The following ADAM22 variants were observed in gnomAD, a reference collection of about 807,000 sequenced individuals.
ADAM22 encodes the protein ADAM metallopeptidase domain 22.
In ADAM22, 65 loss-of-function variants were observed where a neutral mutation model predicts 144.6. The ratio of observed to expected loss-of-function variants is 0.45; its 90% confidence interval spans 0.37 to 0.55. ADAM22 has a LOEUF of 0.55. Ranked by LOEUF, ADAM22 falls within the 20% of genes least tolerant of loss-of-function variation. The probability of loss-of-function intolerance (pLI) is 0.00; values close to 1 mark genes in which losing one functional copy is unlikely to be tolerated. For synonymous variants in ADAM22, 391 were observed against 412.6 expected (o/e 0.95, Z 0.63); for missense variants, 974 against 1,184.9 (o/e 0.82, Z 2.61).
chr7:88,035,981 G>A (rs1256746055), intron 3 of ADAM22, among the ~76,000 whole-genome samples: 3 of 152,120 alleles, frequency 2.0e-5, no homozygotes, highest in African/African-American at 7.2e-5. Flanking sequence ...CATGTTCTTG[G>A]TCTTTGTGTA....
At chr7:88,075,016 G>C (rs961230858) in intron 3 of ADAM22, among the ~76,000 whole-genome samples, 2 of 152,004 alleles carry the variant, frequency 1.3e-5, no homozygotes, top group Admixed American at 6.6e-5. Flanking sequence ...GTTGTGTCTT[G>C]AGACCCCTCC....
chr7:88,179,125 A>G lies in ADAM22; in HGVS notation c.2491A>G (p.Ser831Gly). The change falls in exon 27 of 32, where the codon AGC becomes GGC. Residue 831 changes from serine (S) to glycine (G), a missense_variant. Ser to Gly is a moderately conservative substitution (Grantham distance 56). Coordinates refer to ENST00000413139, the MANE Select transcript of ADAM22 (RefSeq NM_001324418.2). ...SISQNISLFC[S>G]RSNGLSHSWS... is the part of the protein sequence containing the mutation. ...TAGTCAGAACATTTCATTATTTTGCAGCAGGTTTGATTACTTCTTCCTTCT... is the reference window on the plus strand; with the variant it reads ...TAGTCAGAACATTTCATTATTTTGCGGCAGGTTTGATTACTTCTTCCTTCT... The G allele has an allele frequency of 8.6e-7, 1 of 1,160,004 alleles. No individual in the cohort carries two copies. Among genetic ancestry groups the G allele is most frequent in the African/African-American group, 1.5e-5 (1 of 65,962 alleles). 71.9% of individuals were successfully genotyped at this position (1,160,004 alleles called of 1,614,324 possible).
chr7:88,093,459 T>C (rs1347020475), intron 4 of ADAM22, among the ~76,000 whole-genome samples: 1 of 152,184 alleles, frequency 6.6e-6, no homozygotes, highest in Non-Finnish European at 1.5e-5. Context: ...TTTGAGTGTT[T>C]ACAGCCTTTT....
chr7:88,038,272 A>G (rs753660604), intron 3 of ADAM22, among the ~76,000 whole-genome samples: 28 of 152,330 alleles, frequency 1.8e-4, no homozygotes, highest in Middle Eastern at 3.4e-3. Flanking sequence ...AAAATTAGCA[A>G]TGAGCTAAAT....
At chr7:88,043,446 C>G (rs112480220) in intron 3 of ADAM22, among the ~76,000 whole-genome samples, 2 of 149,372 alleles carry the variant, frequency 1.3e-5, no homozygotes, top group African/African-American at 2.5e-5. Context: ...GATCGCGCCA[C>G]TGCACTCCAG....
intron 25 of ADAM22, among the ~76,000 whole-genome samples, chr7:88,170,933 C>A (rs1017975475): frequency 2.0e-5 from 3 of 151,834 alleles, no homozygotes; most frequent in Admixed American, 6.6e-5. Flanking sequence ...GTTAAATAAA[C>A]ACAGAGACTA....
intron 31 of ADAM22, among the ~76,000 whole-genome samples, chr7:88,194,698 A>G (rs189033259): frequency 1.3e-5 from 2 of 152,174 alleles, no homozygotes; most frequent in Non-Finnish European, 2.9e-5. Context: ...TTTAATCTTT[A>G]TAAAACAATA....
At chr7:88,049,548 A>G (rs1434381928) in intron 3 of ADAM22, among the ~76,000 whole-genome samples, 6 of 152,000 alleles carry the variant, frequency 3.9e-5, no homozygotes, top group Non-Finnish European at 7.4e-5. Context: ...ACAGGCATGC[A>G]CCACCACGCC....
At chr7:88,029,622 G>A (rs1446225857) in intron 3 of ADAM22, among the ~76,000 whole-genome samples, 1 of 152,000 alleles carries the variant, frequency 6.6e-6, no homozygotes, top group African/African-American at 2.4e-5. Flanking sequence ...CTTTCAGATT[G>A]AATAACTTTG....
intron 4 of ADAM22, among the ~76,000 whole-genome samples, chr7:88,090,197 A>T (rs542785452): frequency 4.7e-4 from 71 of 152,124 alleles, no homozygotes; most frequent in African/African-American, 1.5e-3. Context: ...TTGCTGGGAG[A>T]TTTAGGTTAA....
At chr7:88,135,341 T>A (rs1049139433) in intron 13 of ADAM22, among the ~76,000 whole-genome samples, 2 of 148,560 alleles carry the variant, frequency 1.3e-5, no homozygotes, top group Non-Finnish European at 3.0e-5. Context: ...ATATGCCAGA[T>A]GATTGAGTGC....
At chr7:87,945,602 C>T (rs1241495533) in intron 2 of ADAM22, among the ~76,000 whole-genome samples, 1 of 151,414 alleles carries the variant, frequency 6.6e-6, no homozygotes, top group Non-Finnish European at 1.5e-5. Flanking sequence ...AACCTCCACC[C>T]TCCGAGTTCA....
At chr7:88,190,177 C>T (rs1301366892) in intron 30 of ADAM22, among the ~76,000 whole-genome samples, 1 of 152,174 alleles carries the variant, frequency 6.6e-6, no homozygotes, top group African/African-American at 2.4e-5. Flanking sequence ...TCCATTGGCA[C>T]ACAAACATAC....
At chr7:87,989,228 T>G (rs1789177640) in intron 3 of ADAM22, among the ~76,000 whole-genome samples, 2 of 152,184 alleles carry the variant, frequency 1.3e-5, no homozygotes, top group Admixed American at 6.5e-5. Context: ...ATTTCTTAGA[T>G]ATAAACAAGC....
chr7:88,096,508 A>T (rs1286598747), intron 4 of ADAM22, among the ~76,000 whole-genome samples: 2 of 151,420 alleles, frequency 1.3e-5, no homozygotes, highest in Non-Finnish European at 2.9e-5. Context: ...ACACATATAT[A>T]TATATTCCAT....
chr7:87,973,865 A>T (rs981790226), intron 2 of ADAM22, among the ~76,000 whole-genome samples: 14 of 151,748 alleles, frequency 9.2e-5, no homozygotes, highest in Admixed American at 9.2e-4. Flanking sequence ...GCATATTCTC[A>T]CTCATAGGTG....
intron 3 of ADAM22, among the ~76,000 whole-genome samples, chr7:88,052,294 G>A (rs1468959961): frequency 6.7e-6 from 1 of 149,254 alleles, no homozygotes; most frequent in Admixed American, 6.7e-5. Flanking sequence ...TCAGGAGATC[G>A]AGACCATCCT....
chr7:88,123,877 G>C (rs535464396), intron 7 of ADAM22, among the ~76,000 whole-genome samples: 1 of 151,816 alleles, frequency 6.6e-6, no homozygotes, highest in Non-Finnish European at 1.5e-5. Flanking sequence ...GGATTATTTA[G>C]AAATGTAGAG....
chr7:88,031,788 C>T (rs558022656), intron 3 of ADAM22, among the ~76,000 whole-genome samples: 1 of 152,346 alleles, frequency 6.6e-6, no homozygotes, highest in African/African-American at 2.4e-5. Flanking sequence ...GGCCCAGGGT[C>T]CCACTGCCCT....
Sources: gnomAD v4.1 joint callset for allele counts (sites outside exome capture counted in the v4.1 genomes callset) on GRCh38, gnomAD v4.1.1 for gene constraint, MANE v1.5 for transcripts, NCBI Gene and HGNC (gene_info 2026-07-23, HGNC 2026-07-21) for gene names.